PIK3AP1: variants seen among roughly 807,000 people sequenced by gnomAD.
PIK3AP1 encodes the protein phosphoinositide-3-kinase adaptor protein 1, also known as phosphoinositide 3-kinase adapter protein 1.
PIK3AP1 carries 21 observed loss-of-function variants against 88.1 expected under a neutral mutation model. That is an observed-to-expected ratio of 0.24 (90% CI 0.17 to 0.34). PIK3AP1 has a LOEUF of 0.34. PIK3AP1 is among the 10% of genes least tolerant of loss of function. The pLI is 1.00. For missense variants in PIK3AP1, 828 were observed against 1,035.7 expected, an observed-to-expected ratio of 0.80 and a Z score of 2.75; for synonymous variants, 398 against 400.0, an observed-to-expected ratio of 1.00 and a Z score of 0.06.
At chr10:96,645,132 C>T (rs1843441281) in intron 8 of PIK3AP1, among the ~76,000 whole-genome samples, 1 of 152,142 alleles carries the variant, frequency 6.6e-6, no homozygotes, top group South Asian at 2.1e-4. Context: ...ACATAAACCT[C>T]ATGTCAGAGT....
chr10:96,648,907 G>T (rs1194831897), intron 6 of PIK3AP1, 52 bp from the exon 7 acceptor site: 1 of 1,449,198 alleles, frequency 6.9e-7, no homozygotes, highest in South Asian at 1.4e-5. Context: ...AAGGCACAGG[G>T]TGCCCTTGTT....
intron 2 of PIK3AP1, among the ~76,000 whole-genome samples, chr10:96,672,001 TG>T (rs1843853727): frequency 6.6e-6 from 1 of 151,886 alleles, no homozygotes; most frequent in Middle Eastern, 3.4e-3. Context: ...ATTGTGCCAC[TG>T]CACTCCAGCC....
At chr10:96,628,376 C>T (rs754580630) in intron 9 of PIK3AP1, 22 bp downstream of exon 9, 1 of 1,560,392 alleles carries the variant, frequency 6.4e-7, no homozygotes, top group East Asian at 2.2e-5. Flanking sequence ...TTTTGGCTTC[C>T]CTGCTCATGG....
chr10:96,632,301 T>C (rs187627568), intron 8 of PIK3AP1, among the ~76,000 whole-genome samples: 1 of 152,332 alleles, frequency 6.6e-6, no homozygotes, highest in African/African-American at 2.4e-5. Flanking sequence ...CCTTTGGTAA[T>C]TGTACTATGG....
intron 2 of PIK3AP1, among the ~76,000 whole-genome samples, chr10:96,698,290 A>G (rs1484468732): frequency 6.6e-6 from 1 of 152,182 alleles, no homozygotes; most frequent in Non-Finnish European, 1.5e-5. Flanking sequence ...CAAAATATAG[A>G]AGGGAACAAA....
At chr10:96,713,172 G>A (rs550463690) in intron 1 of PIK3AP1, among the ~76,000 whole-genome samples, 1 of 152,092 alleles carries the variant, frequency 6.6e-6, no homozygotes, top group East Asian at 1.9e-4. Flanking sequence ...GACCAGCTTG[G>A]GCAACATGGT....
At chr10:96,717,256 T>TAAA (rs1844513436) in intron 1 of PIK3AP1, among the ~76,000 whole-genome samples, 1 of 67,712 alleles carries the variant, frequency 1.5e-5, no homozygotes, top group African/African-American at 5.1e-5. Flanking sequence ...AGACTCCGTC[T>TAAA]CAAAAAAAAA....
intron 1 of PIK3AP1, among the ~76,000 whole-genome samples, chr10:96,712,975 C>T (rs1200031881): frequency 1.3e-5 from 2 of 152,116 alleles, no homozygotes; most frequent in Non-Finnish European, 2.9e-5. Flanking sequence ...ATGAAGAAAC[C>T]ATAAGTAGTG....
chr10:96,607,461 T>G (rs7101320), intron 14 of PIK3AP1, among the ~76,000 whole-genome samples: 89,070 of 151,970 alleles, frequency 0.59, 27,471 homozygotes, highest in East Asian at 0.84. Context: ...ATCTATACTA[T>G]TATCCATTTC....
At chr10:96,666,401 A>C (rs1353349199) in intron 2 of PIK3AP1, among the ~76,000 whole-genome samples, 1 of 152,220 alleles carries the variant, frequency 6.6e-6, no homozygotes, top group East Asian at 1.9e-4. Context: ...CCTGGGCAAC[A>C]GAGTGAGACT....
intron 2 of PIK3AP1, among the ~76,000 whole-genome samples, chr10:96,703,330 G>A (rs1231729617): frequency 6.6e-6 from 1 of 152,148 alleles, no homozygotes; most frequent in Non-Finnish European, 1.5e-5. Flanking sequence ...TACCATGAGA[G>A]CTTCTGAAAC....
intron 8 of PIK3AP1, 68 bp downstream of exon 8, chr10:96,645,405 T>A: frequency 6.5e-7 from 1 of 1,549,194 alleles, no homozygotes; most frequent in South Asian, 1.2e-5. Context: ...CCGCGCCATC[T>A]TCATCCGGAA....
chr10:96,709,696 G>A lies in PIK3AP1; in HGVS notation c.301C>T (p.Leu101=), dbSNP rs751441710. ...TCGCTGTCCCGCACGCCGCAGAGCA[G>A]CCTGACCACGCGGTGCGGAGGATGG... The part of the protein sequence containing the change: ...AFHPPHRVVR[L]LCGVRDSEEF... Residue 101 remains leucine (L), a synonymous_variant, in exon 2 of 17, where the codon CTG becomes TTG. Coordinates refer to ENST00000339364, the MANE Select transcript of PIK3AP1 (RefSeq NM_152309.3). 3 of 1,614,264 alleles carry A rather than the reference G, an allele frequency of 1.9e-6. No individual in the cohort carries two copies. The South Asian group carries it at 3.3e-5, about 18-fold the overall frequency.
At chr10:96,634,698 T>C (rs2134216176) in intron 8 of PIK3AP1, among the ~76,000 whole-genome samples, 1 of 152,348 alleles carries the variant, frequency 6.6e-6, no homozygotes, top group Non-Finnish European at 1.5e-5. Flanking sequence ...TATTATTATA[T>C]TGAGGCAACT....
intron 13 of PIK3AP1, among the ~76,000 whole-genome samples, chr10:96,611,509 C>T (rs906495404): frequency 3.3e-5 from 5 of 152,048 alleles, no homozygotes; most frequent in African/African-American, 9.7e-5. Flanking sequence ...CTCGCTCTGT[C>T]GCCAGGCTGG....
intron 2 of PIK3AP1, among the ~76,000 whole-genome samples, chr10:96,681,962 TA>T (rs1844006161): frequency 6.7e-6 from 1 of 150,124 alleles, no homozygotes; most frequent in South Asian, 2.1e-4. Context: ...TTATAGACTT[TA>T]AAAAATATGC....
Position 96,683,333 on chromosome 10 carries a change from T to C in PIK3AP1, c.430+26234A>G, listed in dbSNP as rs554689447. ...GGAGAGTACGCCACAGATAAAGAGATAAATCCTCATTCAAGGAGTCTAAAT... is the reference window on the plus strand; with the variant it reads ...GGAGAGTACGCCACAGATAAAGAGACAAATCCTCATTCAAGGAGTCTAAAT... On this transcript the variant is annotated intron_variant, in intron 2 of 16. Transcript: ENST00000339364. 5.3e-5 allele frequency among the ~76,000 whole-genome samples: 8 copies of C among 152,344 alleles called. 1 individual carries two copies. Among genetic ancestry groups the C allele is most frequent in the African/African-American group, 1.4e-4 (6 of 41,570 alleles).
At position 96,709,688 on chromosome 10, in the gene PIK3AP1, G is replaced by A; in HGVS notation, c.309C>T (p.Cys103=). ...GGAACTCCTCGCTGTCCCGCACGCC[G>A]CAGAGCAGCCTGACCACGCGGTGCG... ...HPPHRVVRLL[C]GVRDSEEFLD... is the part of the protein sequence containing the mutation. The change falls in exon 2 of 17, where the codon TGC becomes TGT. Residue 103 remains cysteine, a synonymous_variant. Coordinates refer to ENST00000339364, the MANE Select transcript of PIK3AP1 (RefSeq NM_152309.3). 1.2e-6 allele frequency: 2 copies of A among 1,614,254 alleles called. No individual in the cohort carries two copies. Among genetic ancestry groups the A allele is most frequent in the Middle Eastern group, 1.6e-4 (1 of 6,062 alleles).
At chr10:96,663,335 G>A (rs534421942) in intron 2 of PIK3AP1, among the ~76,000 whole-genome samples, 16 of 151,892 alleles carry the variant, frequency 1.1e-4, no homozygotes, top group Non-Finnish European at 2.2e-4. Context: ...CCTCAACAAA[G>A]AAACCAATGG....
Sources: gnomAD v4.1 joint callset for allele counts (sites outside exome capture counted in the v4.1 genomes callset) on GRCh38, gnomAD v4.1.1 for gene constraint, MANE v1.5 for transcripts, NCBI Gene and HGNC (gene_info 2026-07-23, HGNC 2026-07-21) for gene names.